The following RYR2 variants were observed in gnomAD, a reference collection of about 807,000 sequenced individuals.
RYR2 encodes cardiac muscle ryanodine receptor-calcium release channel.
A neutral mutation model predicts 601.1 loss-of-function variants in RYR2; 227 were observed. The ratio of observed to expected loss-of-function variants is 0.38; its 90% CI spans 0.34 to 0.42. RYR2 has a LOEUF of 0.42. Among genes scored for constraint, RYR2 ranks in the 10% least tolerant of loss-of-function variants. The pLI, the probability that RYR2 is intolerant of heterozygous loss-of-function variation, is 1.00. For synonymous variants in RYR2, 2,223 were observed against 2,175.1 expected (o/e 1.02, Z -0.61); for missense variants, 4,646 against 6,156.5 (o/e 0.75, Z 8.21).
Position 237,149,385 on chromosome 1 carries a change from A to G in RYR2, c.48+106816A>G, listed in dbSNP as rs573095390. ...AAAGCAAGAAAATTTTAAAGGAGGT[A>G]GAATACAAGCTTTGAGAAGTACATG... On this transcript the variant is annotated intron_variant, in intron 1 of 104. Coordinates refer to ENST00000366574, the MANE Select transcript of RYR2 (RefSeq NM_001035.3). Among the ~76,000 whole-genome samples the G allele has an allele frequency of 5.9e-5, 9 of 152,338 alleles. No individual in the cohort carries two copies. The South Asian group carries it at 1.5e-3, about 25-fold the overall frequency.
Position 237,530,437 on chromosome 1 carries a change from G to T in RYR2, c.2833G>T (p.Ala945Ser), listed in dbSNP as rs755764350. The change falls in exon 25 of 105, where the codon GCA becomes TCA. Residue 945 changes from alanine to serine, a missense_variant. This residue lies in a region of RYR2 where 1,807 missense variants were observed against 2,088.1 expected (regional missense o/e 0.87). Transcript: ENST00000366574. ...MSLETLKTLL[A>S]LGCHVGISDE... is the part of the protein sequence containing the mutation. ...GGTTTTGTTTTCCAGGACTTTGTTG[G>T]CATTAGGATGTCATGTGGGTATATC... 9 of 1,606,626 alleles carry T rather than the reference G, an allele frequency of 5.6e-6. No individual in the cohort carries two copies. The highest frequency in any genetic ancestry group is 7.7e-6 in the Non-Finnish European group (9 of 1,176,306).
At chr1:237,286,876 A>G (rs1691633339) in intron 2 of RYR2, among the ~76,000 whole-genome samples, 2 of 142,868 alleles carry the variant, frequency 1.4e-5, no homozygotes, top group African/African-American at 5.7e-5. Flanking sequence ...TTTTTTAAAT[A>G]TGTTTTTGCT....
chr1:237,623,266 T>C (rs1478015788), intron 38 of RYR2, among the ~76,000 whole-genome samples: 1 of 152,134 alleles, frequency 6.6e-6, no homozygotes. Flanking sequence ...GCGGTACTGG[T>C]TGGATTGTGT....
At chr1:237,124,732 A>G (rs899408469) in intron 1 of RYR2, among the ~76,000 whole-genome samples, 7 of 152,186 alleles carry the variant, frequency 4.6e-5, no homozygotes, top group Non-Finnish European at 2.9e-5. Context: ...CAGGGAAGGT[A>G]ACATTCACAG....
At position 237,180,950 on chromosome 1, in the gene RYR2, C is replaced by T. The variant is rs1220123458; in HGVS notation, c.49-89547C>T. On this transcript the variant is annotated intron_variant, in intron 1 of 104. Coordinates refer to ENST00000366574, the MANE Select transcript of RYR2 (RefSeq NM_001035.3). This position sits in a 1 kb window ranked among gnomAD's most constrained non-coding sequence, Gnocchi z 5.3. ...ATAAAAATTGCTAACCCTCTCTGAG[C>T]AGATTTATCCAATATGCTAAGCACT... 2.0e-5 allele frequency among the ~76,000 whole-genome samples: 3 copies of T among 151,020 alleles called. No homozygotes were observed. Among genetic ancestry groups the T allele is most frequent in the Non-Finnish European group, 2.9e-5 (2 of 67,842 alleles).
At chr1:237,291,216 T>C (rs1367030725) in intron 2 of RYR2, among the ~76,000 whole-genome samples, 1 of 151,936 alleles carries the variant, frequency 6.6e-6, no homozygotes, top group Non-Finnish European at 1.5e-5. Flanking sequence ...TTATTTTTTG[T>C]AATGGCAAAA....
chr1:237,279,518 C>T (rs1045036018), intron 2 of RYR2, among the ~76,000 whole-genome samples: 10 of 152,116 alleles, frequency 6.6e-5, no homozygotes, highest in African/African-American at 2.4e-4. Context: ...ATCTCAAATT[C>T]TACTGGATTA....
chr1:237,342,313 A>ATTTTTT (rs201847873), intron 3 of RYR2, among the ~76,000 whole-genome samples: 2 of 130,238 alleles, frequency 1.5e-5, no homozygotes, highest in African/African-American at 2.9e-5. Context: ...TGGCTAATTA[A>ATTTTTT]TTTTTTTTTT....
chr1:237,192,506 C>T (rs562368565), intron 1 of RYR2, among the ~76,000 whole-genome samples: 15 of 152,322 alleles, frequency 9.8e-5, no homozygotes, highest in African/African-American at 3.1e-4. Context: ...TGAGCCACAG[C>T]GCCTAGCCAA....
At chr1:237,684,231 C>T (rs964573421) in intron 62 of RYR2, among the ~76,000 whole-genome samples, 6 of 152,036 alleles carry the variant, frequency 3.9e-5, no homozygotes, top group Non-Finnish European at 7.4e-5. Flanking sequence ...CCACCGTGCC[C>T]GGCCTCGTTC....
At chr1:237,093,910 A>C (rs1667233308) in intron 1 of RYR2, among the ~76,000 whole-genome samples, 1 of 152,208 alleles carries the variant, frequency 6.6e-6, no homozygotes. Context: ...AGAGTGGTGC[A>C]GCGCAGGCTG....
At chr1:237,785,031 T>C in intron 90 of RYR2, 59 bp downstream of exon 90, 1 of 1,210,974 alleles carries the variant, frequency 8.3e-7, no homozygotes. Context: ...GTATAATAAA[T>C]GATCATTAGA....
chr1:237,434,896 C>T (rs994572931), intron 12 of RYR2, among the ~76,000 whole-genome samples: 21 of 152,124 alleles, frequency 1.4e-4, no homozygotes, highest in Non-Finnish European at 2.9e-5. Context: ...CCACCTCAGC[C>T]TCCCAAGTAG....
rs564508206 is a variant in RYR2 at position 237,787,608 on chromosome 1, A to C, written c.13329-380A>C. ...CTCTGTCTCAAAAACAAAAAAAAAA[A>C]AAAAAAAAAAGGATTGAAATTATAA... On this transcript the variant is annotated intron_variant, in intron 91 of 104. Transcript: ENST00000366574. 6.9e-3 allele frequency among the ~76,000 whole-genome samples: 1,047 copies of C among 151,550 alleles called. 8 individuals are homozygous for C. Among genetic ancestry groups the C allele is most frequent in the South Asian group, 0.029 (141 of 4,804 alleles).
At chr1:237,535,316 A>G (rs1422868294) in intron 25 of RYR2, among the ~76,000 whole-genome samples, 1 of 152,060 alleles carries the variant, frequency 6.6e-6, no homozygotes, top group African/African-American at 2.4e-5. Flanking sequence ...AGAAAAAACA[A>G]TTTTGTTAGC....
intron 48 of RYR2, among the ~76,000 whole-genome samples, chr1:237,648,031 C>G (rs1277433414): frequency 6.6e-6 from 1 of 152,036 alleles, no homozygotes; most frequent in African/African-American, 2.4e-5. Context: ...GTAAATATAC[C>G]AAGATTATCA....
intron 3 of RYR2, among the ~76,000 whole-genome samples, chr1:237,345,491 T>TAAAAAAAAA (rs1698227780): frequency 3.4e-5 from 5 of 149,222 alleles, no homozygotes; most frequent in Non-Finnish European, 3.0e-5. Context: ...TAAAAAAAAA[T>TAAAAAAAAA]ATATATATGT....
chr1:237,277,365 C>G (rs1690392739), intron 2 of RYR2, among the ~76,000 whole-genome samples: 1 of 152,192 alleles, frequency 6.6e-6, no homozygotes, highest in Non-Finnish European at 1.5e-5. Context: ...AGCATGCCCT[C>G]TGCAATACAT....
At chr1:237,258,198 AAAAAG>A (rs1292355103) in intron 1 of RYR2, among the ~76,000 whole-genome samples, 1 of 151,818 alleles carries the variant, frequency 6.6e-6, no homozygotes, top group Non-Finnish European at 1.5e-5. Context: ...AGAAAAAGAA[AAAAAG>A]AAAAGGGCTT....
Sources: gnomAD v4.1 joint callset for allele counts (sites outside exome capture counted in the v4.1 genomes callset) on GRCh38, gnomAD v4.1.1 for gene constraint, gnomAD v4.1.1 regional missense constraint, Gnocchi (gnomAD v3.1) non-coding constraint, MANE v1.5 for transcripts, NCBI Gene and HGNC (gene_info 2026-07-23, HGNC 2026-07-21) for gene names.